EIPR1: variants seen among roughly 807,000 people sequenced by gnomAD.
EIPR1 encodes EARP and GARP complex-interacting protein 1.
A neutral mutation model predicts 48.1 loss-of-function variants in EIPR1; 25 were observed. The ratio of observed to expected loss-of-function variants is 0.52; its 90% CI spans 0.38 to 0.73. EIPR1 has a LOEUF of 0.73. EIPR1 is among the 30% of genes least tolerant of loss of function. The pLI is 0.00. For synonymous variants in EIPR1, 204 were observed against 201.9 expected (o/e 1.01, Z -0.09); for missense variants, 415 against 506.2 (o/e 0.82, Z 1.73).
chr2:3,256,561 C>T (rs1225414352), intron 4 of EIPR1, among the ~76,000 whole-genome samples: 2 of 152,206 alleles, frequency 1.3e-5, no homozygotes, highest in East Asian at 1.9e-4. Context: ...ACTGTACAAA[C>T]GATTTGTCTC....
chr2:3,252,139 C>T lies in EIPR1; in HGVS notation c.416+5160G>A, dbSNP rs113846979. Among the ~76,000 whole-genome samples, 263 of 152,352 alleles carry T rather than the reference C, an allele frequency of 1.7e-3. 1 individual carries two copies. The highest frequency in any genetic ancestry group is 5.6e-3 in the African/African-American group (231 of 41,580). On this transcript the variant is annotated intron_variant, in intron 4 of 8. Transcript: ENST00000382125. ...GCATTCATTTTCTCACTCAAATACG[C>T]GGAGTGTCCGCCCTGTGCTGTCCTT...
At chr2:3,203,808 G>A (rs1665131218) in intron 5 of EIPR1, among the ~76,000 whole-genome samples, 2 of 152,230 alleles carry the variant, frequency 1.3e-5, no homozygotes, top group South Asian at 2.1e-4. Context: ...CCACACTGTG[G>A]GGCCACACGG....
intron 5 of EIPR1, among the ~76,000 whole-genome samples, chr2:3,199,071 C>CCCCCCCCCT (rs1558216901): frequency 2.0e-5 from 1 of 50,410 alleles, no homozygotes. Context: ...GCCCCCCCCC[C>CCCCCCCCCT]GCCCCGGGAA....
At chr2:3,218,803 A>G (rs1455317070) in intron 4 of EIPR1, among the ~76,000 whole-genome samples, 2 of 144,042 alleles carry the variant, frequency 1.4e-5, no homozygotes, top group African/African-American at 2.6e-5. Context: ...TGCACACCCA[A>G]CACGGCCCTG....
At chr2:3,194,698 G>GCGA (rs1664748390) in intron 6 of EIPR1, among the ~76,000 whole-genome samples, 2 of 150,076 alleles carry the variant, frequency 1.3e-5, no homozygotes, top group Admixed American at 6.6e-5. Flanking sequence ...AGAGAGAAAG[G>GCGA]GGGGGGCAGT....
intron 3 of EIPR1, among the ~76,000 whole-genome samples, chr2:3,296,555 G>T (rs1214045750): frequency 1.8e-5 from 1 of 55,640 alleles, no homozygotes; most frequent in South Asian, 6.7e-4. Flanking sequence ...TCCATCCTCT[G>T]TATACACACA....
intron 3 of EIPR1, among the ~76,000 whole-genome samples, chr2:3,334,607 G>T (rs1438496500): frequency 2.6e-5 from 4 of 152,248 alleles, no homozygotes; most frequent in Non-Finnish European, 4.4e-5. Context: ...TGCTTCGAAG[G>T]GCGAAGAGCC....
At chr2:3,240,119 C>A (rs1360981068) in intron 4 of EIPR1, among the ~76,000 whole-genome samples, 1 of 151,266 alleles carries the variant, frequency 6.6e-6, no homozygotes, top group Non-Finnish European at 1.5e-5. Context: ...CTTCCTAAAG[C>A]AAAGCCAGCA....
chr2:3,242,003 G>A (rs550179703), intron 4 of EIPR1, among the ~76,000 whole-genome samples: 41 of 152,320 alleles, frequency 2.7e-4, no homozygotes, highest in Middle Eastern at 6.8e-3. Context: ...ATTCGATGGT[G>A]TGCAGATGCC....
intron 5 of EIPR1, among the ~76,000 whole-genome samples, chr2:3,199,439 A>G (rs1664935109): frequency 6.6e-6 from 1 of 152,214 alleles, no homozygotes; most frequent in Admixed American, 6.5e-5. Flanking sequence ...GGGAAGTGAT[A>G]AATGTCCATG....
chr2:3,217,197 A>T (rs1046087551), intron 4 of EIPR1, among the ~76,000 whole-genome samples: 1 of 152,166 alleles, frequency 6.6e-6, no homozygotes, highest in African/African-American at 2.4e-5. Flanking sequence ...AAAATACAGG[A>T]ATTAATAAGA....
chr2:3,316,694 TC>T (rs1389477312), intron 3 of EIPR1, among the ~76,000 whole-genome samples: 2 of 152,208 alleles, frequency 1.3e-5, no homozygotes, highest in Non-Finnish European at 2.9e-5. Flanking sequence ...ACTACTTTTT[TC>T]CCCAAAGGGT....
intron 3 of EIPR1, among the ~76,000 whole-genome samples, chr2:3,325,226 G>A (rs1361199574): frequency 6.6e-6 from 1 of 152,210 alleles, no homozygotes; most frequent in Non-Finnish European, 1.5e-5. Flanking sequence ...GCATCACTGA[G>A]CAGCCCCAAG....
chr2:3,308,521 A>C (rs1473036454), intron 3 of EIPR1, among the ~76,000 whole-genome samples: 1 of 152,222 alleles, frequency 6.6e-6, no homozygotes, highest in Non-Finnish European at 1.5e-5. Flanking sequence ...AAAAAAATGA[A>C]CAGCCTCAGG....
intron 1 of EIPR1, among the ~76,000 whole-genome samples, chr2:3,375,935 T>C (rs1016618066): frequency 1.3e-5 from 2 of 152,224 alleles, no homozygotes; most frequent in Non-Finnish European, 1.5e-5. Context: ...CACAGTTTAT[T>C]ATACAGGACA....
At chr2:3,208,352 C>A in intron 5 of EIPR1, 2 of 1,093,058 alleles carry the variant, frequency 1.8e-6, no homozygotes, top group Non-Finnish European at 2.5e-6. Context: ...CACCTCTGTG[C>A]CCGGGTGGGA....
rs1227828740 is a variant in EIPR1, at chr2:3,189,434, C to T, written c.1064G>A (p.Trp355Ter). The T allele has an allele frequency of 1.3e-6, 2 of 1,594,744 alleles. No individual in the cohort carries two copies. Among genetic ancestry groups the T allele is most frequent in the South Asian group, 1.1e-5 (1 of 88,484 alleles). The change falls in exon 9 of 9, where the codon TGG (tryptophan) becomes TAG (stop). Residue 355 changes from tryptophan to a stop codon, truncating the protein, a stop_gained. Coordinates refer to ENST00000382125, the MANE Select transcript of EIPR1 (RefSeq NM_003310.5). LOFTEE classifies it high-confidence loss of function. The surrounding 1 kb of genome is among the most constrained non-coding windows in gnomAD (Gnocchi z 4.6). Reference sequence around the variant, plus strand: ...AAACAGCCACGGGTCAGCCGAGGACCAGTCCACGGCATAGACGCTGTCCTC... The same window carrying T: ...AAACAGCCACGGGTCAGCCGAGGACTAGTCCACGGCATAGACGCTGTCCTC... ...EHEDSVYAVD[W>*]SSADPWLFAS...
chr2:3,347,554 A>G (rs1363400598), intron 2 of EIPR1, among the ~76,000 whole-genome samples: 2 of 152,164 alleles, frequency 1.3e-5, no homozygotes, highest in Non-Finnish European at 2.9e-5. Context: ...TGAGTCCATT[A>G]AACCTCTTTT....
chr2:3,367,410 G>A (rs955498494), intron 1 of EIPR1, among the ~76,000 whole-genome samples: 1 of 152,222 alleles, frequency 6.6e-6, no homozygotes, highest in Admixed American at 6.5e-5. Context: ...AGTCAACACT[G>A]TAACAGCACC....
Sources: gnomAD v4.1 joint callset for allele counts (sites outside exome capture counted in the v4.1 genomes callset) on GRCh38, gnomAD v4.1.1 for gene constraint, Gnocchi (gnomAD v3.1) non-coding constraint, MANE v1.5 for transcripts, NCBI Gene and HGNC (gene_info 2026-07-23, HGNC 2026-07-21) for gene names.